MYO16: variants seen among roughly 807,000 people sequenced by gnomAD.
MYO16 encodes the protein unconventional myosin-XVI.
Under a neutral mutation model 205.3 loss-of-function variants are expected in MYO16, and 94 were observed. That is an observed-to-expected ratio of 0.46 (90% CI 0.39 to 0.54). The LOEUF (loss-of-function observed/expected upper bound fraction) is 0.54, where lower values mean the gene tolerates loss of function less well. Ranked by LOEUF, MYO16 falls within the 20% of genes least tolerant of loss-of-function variation. The probability of loss-of-function intolerance (pLI) is 0.00; values close to 1 mark genes in which losing one functional copy is unlikely to be tolerated. For synonymous variants in MYO16, 988 were observed against 954.0 expected (o/e 1.04, Z -0.66); for missense variants, 2,315 against 2,387.5 (o/e 0.97, Z 0.63).
chr13:109,083,134 G>T (rs1415181882), intron 27 of MYO16, among the ~76,000 whole-genome samples: 1 of 152,060 alleles, frequency 6.6e-6, no homozygotes, highest in Non-Finnish European at 1.5e-5. Context: ...TGTAATCCCA[G>T]CCCTTTGGGA....
chr13:108,556,913 G>A, the MYO16 span, among the ~76,000 whole-genome samples: 1 of 151,888 alleles, frequency 6.6e-6, no homozygotes. Context: ...ATTGTGTGTT[G>A]GCGCCTTTGT....
At chr13:108,596,502 A>G (rs1878568640) in intron 1 of MYO16, among the ~76,000 whole-genome samples, 1 of 152,206 alleles carries the variant, frequency 6.6e-6, no homozygotes, top group African/African-American at 2.4e-5. Context: ...AAATTCTGAA[A>G]GTCTTCGTGA....
At chr13:109,093,013 A>G (rs372610577) in intron 27 of MYO16, among the ~76,000 whole-genome samples, 2 of 152,152 alleles carry the variant, frequency 1.3e-5, no homozygotes, top group Non-Finnish European at 2.9e-5. Context: ...GTAAGATACT[A>G]TGATTTCTGT....
intron 21 of MYO16, among the ~76,000 whole-genome samples, chr13:109,007,741 A>T (rs1321775560): frequency 6.6e-6 from 1 of 152,084 alleles, no homozygotes; most frequent in Admixed American, 6.6e-5. Context: ...TTGTTTCCTG[A>T]TGGGAATGTC....
chr13:108,843,221 C>G (rs1374056177), intron 9 of MYO16, among the ~76,000 whole-genome samples: 1 of 151,624 alleles, frequency 6.6e-6, no homozygotes, highest in Non-Finnish European at 1.5e-5. Context: ...AAATGTATAT[C>G]TAATCACATT....
chr13:108,633,574 G>A (rs1880084930), intron 1 of MYO16, among the ~76,000 whole-genome samples: 1 of 152,174 alleles, frequency 6.6e-6, no homozygotes, highest in Admixed American at 6.5e-5. Flanking sequence ...GGGTGGGTCT[G>A]CCTCTCCCAG....
At chr13:108,715,561 A>C (rs1040791437) in intron 3 of MYO16, among the ~76,000 whole-genome samples, 17 of 152,220 alleles carry the variant, frequency 1.1e-4, no homozygotes, top group Non-Finnish European at 5.9e-5. Flanking sequence ...TGCTCAGTAG[A>C]TTTGTTAAGG....
intron 22 of MYO16, among the ~76,000 whole-genome samples, chr13:109,009,346 A>C (rs1191085553): frequency 6.6e-6 from 1 of 152,180 alleles, no homozygotes; most frequent in Non-Finnish European, 1.5e-5. Flanking sequence ...TATTGTAAAA[A>C]AACAGACTTT....
intron 4 of MYO16, among the ~76,000 whole-genome samples, chr13:108,773,823 A>T (rs1333822845): frequency 1.9e-5 from 1 of 53,756 alleles, no homozygotes; most frequent in East Asian, 1.4e-3. Flanking sequence ...GTTAGCATGT[A>T]AAAAAAAAAG....
At chr13:108,851,061 GA>G (rs1186758970) in intron 10 of MYO16, among the ~76,000 whole-genome samples, 4 of 152,164 alleles carry the variant, frequency 2.6e-5, no homozygotes, top group African/African-American at 9.7e-5. Flanking sequence ...GTGACTGTAA[GA>G]AGGATCTTAT....
intron 23 of MYO16, among the ~76,000 whole-genome samples, chr13:109,023,522 T>G (rs1444004917): frequency 1.7e-5 from 2 of 117,850 alleles, no homozygotes; most frequent in African/African-American, 6.8e-5. Flanking sequence ...TATATATTTA[T>G]AATTATATAT....
At position 109,127,193 on chromosome 13, in the gene MYO16, T is replaced by C. The variant is rs1876293473; in HGVS notation, c.3783-89T>C. The C allele has an allele frequency of 3.5e-6, 5 of 1,443,530 alleles. No homozygotes were observed. The East Asian group carries it at 1.2e-4, about 34-fold the overall frequency. The allele number at this position is 1,443,530 out of a possible 1,614,324, so 89.4% of individuals were successfully genotyped here. On this transcript the variant is annotated intron_variant, in intron 30 of 34. Coordinates refer to ENST00000457511, the MANE Select transcript of MYO16 (RefSeq NM_001198950.3). This position sits in a 1 kb window ranked among gnomAD's most constrained non-coding sequence, Gnocchi z 4.2. ...GGGCTGCTTGCCAAAAAGCCGTCATTATGTCTGCTTGAGCAGGTTCCTTGT... is the reference window on the plus strand; with the variant it reads ...GGGCTGCTTGCCAAAAAGCCGTCATCATGTCTGCTTGAGCAGGTTCCTTGT...
At chr13:109,083,492 G>A (rs1160730697) in intron 27 of MYO16, among the ~76,000 whole-genome samples, 1 of 150,920 alleles carries the variant, frequency 6.6e-6, no homozygotes, top group Non-Finnish European at 1.5e-5. Flanking sequence ...GTTAGGGAAA[G>A]GTGTACTGAG....
At chr13:108,652,782 T>G (rs773108557) in intron 1 of MYO16, among the ~76,000 whole-genome samples, 9 of 152,258 alleles carry the variant, frequency 5.9e-5, no homozygotes, top group Non-Finnish European at 1.2e-4. Flanking sequence ...TACCATGTTT[T>G]GTTTATCCAT....
intron 14 of MYO16, among the ~76,000 whole-genome samples, chr13:108,891,421 T>G (rs1406643123): frequency 1.3e-5 from 2 of 152,198 alleles, no homozygotes. Flanking sequence ...GACCACTAAA[T>G]GCATATATGG....
At chr13:109,026,193 C>T (rs1449600228) in intron 23 of MYO16, among the ~76,000 whole-genome samples, 1 of 152,148 alleles carries the variant, frequency 6.6e-6, no homozygotes, top group Non-Finnish European at 1.5e-5. Flanking sequence ...GGCCCCTATT[C>T]ATGGAGACTG....
At chr13:108,876,263 G>A (rs150807712) in intron 12 of MYO16, among the ~76,000 whole-genome samples, 82 of 152,026 alleles carry the variant, frequency 5.4e-4, no homozygotes, top group Non-Finnish European at 1.1e-3. Context: ...CACCCATATT[G>A]GTTTCATATC....
chr13:108,837,876 G>A (rs74119627), intron 9 of MYO16, among the ~76,000 whole-genome samples: 3,165 of 151,858 alleles, frequency 0.021, 99 homozygotes, highest in African/African-American at 0.072. Flanking sequence ...GATTTTTTTT[G>A]TACTTCATAA....
At chr13:108,929,806 T>A (rs980464390) in intron 16 of MYO16, among the ~76,000 whole-genome samples, 1 of 151,684 alleles carries the variant, frequency 6.6e-6, no homozygotes, top group Non-Finnish European at 1.5e-5. Context: ...TAAAAAAAAA[T>A]GTACTTAGCT....
Sources: gnomAD v4.1 joint callset for allele counts (sites outside exome capture counted in the v4.1 genomes callset) on GRCh38, gnomAD v4.1.1 for gene constraint, Gnocchi (gnomAD v3.1) non-coding constraint, MANE v1.5 for transcripts, NCBI Gene and HGNC (gene_info 2026-07-23, HGNC 2026-07-21) for gene names.